SIPA1L2: variants seen among roughly 807,000 people sequenced by gnomAD.
SIPA1L2 encodes signal-induced proliferation-associated 1-like protein 2.
In SIPA1L2, 56 loss-of-function variants were observed where a neutral mutation model predicts 163.9. That is an observed-to-expected ratio of 0.34 (90% CI 0.28 to 0.43). SIPA1L2 has a LOEUF of 0.43. Among genes scored for constraint, SIPA1L2 ranks in the 20% least tolerant of loss-of-function variants. The pLI is 1.00. For missense variants in SIPA1L2, 1,974 were observed against 2,193.5 expected (o/e 0.90, Z 2.00); for synonymous variants, 877 against 865.7 (o/e 1.01, Z -0.23).
intron 15 of SIPA1L2, among the ~76,000 whole-genome samples, chr1:232,434,489 G>T (rs1470795234): frequency 6.6e-6 from 1 of 152,046 alleles, no homozygotes; most frequent in South Asian, 2.1e-4. Context: ...TCGGGAAGAC[G>T]CTGCACTGCC....
chr1:232,629,747 G>A (rs1383994433), intron 1 of SIPA1L2, among the ~76,000 whole-genome samples, 122 bp downstream of exon 1: 1 of 150,582 alleles, frequency 6.6e-6, no homozygotes, highest in Non-Finnish European at 1.5e-5. Flanking sequence ...ACCCCTCGCC[G>A]CCGTCAGCCC....
chr1:232,604,091 G>C (rs779758294), intron 1 of SIPA1L2, among the ~76,000 whole-genome samples: 1 of 151,862 alleles, frequency 6.6e-6, no homozygotes, highest in Non-Finnish European at 1.5e-5. Context: ...AGGATACAAC[G>C]CATCCACAGA....
At chr1:232,511,592 A>G (rs1666982483) in intron 3 of SIPA1L2, among the ~76,000 whole-genome samples, 1 of 152,164 alleles carries the variant, frequency 6.6e-6, no homozygotes. Flanking sequence ...AAAGTAATAA[A>G]CAGGCTTCAC....
At chr1:232,612,915 C>A (rs138668620) in intron 1 of SIPA1L2, among the ~76,000 whole-genome samples, 1 of 151,442 alleles carries the variant, frequency 6.6e-6, no homozygotes, top group Admixed American at 6.6e-5. Context: ...AATTGTACTC[C>A]CATAATTCCT....
chr1:232,542,167 G>A lies in SIPA1L2; in HGVS notation c.-269-26559C>T, dbSNP rs112357364. On this transcript the variant is annotated intron_variant, in intron 2 of 22. Coordinates refer to ENST00000674635, the MANE Select transcript of SIPA1L2 (RefSeq NM_020808.5). ...CTACTTATGTAACCCTGGGAAAGTC[G>A]CTTCGCGATATATACTAATTTCTCT... 2.9e-3 allele frequency among the ~76,000 whole-genome samples: 438 copies of A among 152,244 alleles called. 6 individuals carry two copies. The highest frequency in any genetic ancestry group is 0.01 in the African/African-American group (419 of 41,536).
intron 10 of SIPA1L2, among the ~76,000 whole-genome samples, chr1:232,455,573 C>T (rs576021299): frequency 7.9e-5 from 12 of 151,858 alleles, no homozygotes; most frequent in African/African-American, 2.4e-4. Flanking sequence ...CCCAGCTACT[C>T]GGAAGGCTGA....
At chr1:232,489,331 C>T (rs556836328) in intron 5 of SIPA1L2, among the ~76,000 whole-genome samples, 192 of 152,284 alleles carry the variant, frequency 1.3e-3, no homozygotes, top group Non-Finnish European at 2.1e-3. Flanking sequence ...CTCTCTATCC[C>T]GCCATAACAT....
chr1:232,566,500 G>A (rs1465290559), intron 2 of SIPA1L2, among the ~76,000 whole-genome samples: 4 of 152,182 alleles, frequency 2.6e-5, no homozygotes, highest in African/African-American at 4.8e-5. Flanking sequence ...AGTGGTATTC[G>A]TCGCTTTTCA....
intron 12 of SIPA1L2, among the ~76,000 whole-genome samples, chr1:232,442,332 T>C (rs1265632598): frequency 6.6e-6 from 1 of 151,478 alleles, no homozygotes; most frequent in Non-Finnish European, 1.5e-5. Context: ...AGCAGATCAC[T>C]AGGTCAGGAG....
At chr1:232,427,215 G>A (rs759809726) in intron 17 of SIPA1L2, among the ~76,000 whole-genome samples, 28 of 152,186 alleles carry the variant, frequency 1.8e-4, no homozygotes, top group Non-Finnish European at 3.7e-4. Context: ...ATGACTTGAT[G>A]TAAGTTTTTT....
intron 1 of SIPA1L2, among the ~76,000 whole-genome samples, chr1:232,611,652 C>T (rs973429372): frequency 2.0e-4 from 30 of 152,046 alleles, no homozygotes; most frequent in African/African-American, 5.3e-4. Flanking sequence ...TTAGGGTATC[C>T]GGCAGAAGAA....
chr1:232,463,727 C>T (rs1273647008), intron 9 of SIPA1L2, among the ~76,000 whole-genome samples: 1 of 152,196 alleles, frequency 6.6e-6, no homozygotes, highest in African/African-American at 2.4e-5. Flanking sequence ...CATCCAGAGA[C>T]TCACCAGTAT....
In SIPA1L2 at chr1:232,481,213, G is replaced by A. The variant is rs191948031; in HGVS notation, c.1982-1483C>T. ...CATTCCATTTTAATTCTCTTGGCTC[G>A]GAACCTTGACAGTGAACGTGGCTCT... is the stretch of plus-strand genomic sequence containing the variant. On this transcript the variant is annotated intron_variant, in intron 6 of 22. Transcript: ENST00000674635. 6.4e-3 allele frequency among the ~76,000 whole-genome samples: 972 copies of A among 152,196 alleles called. 13 individuals carry two copies. The highest frequency in any genetic ancestry group is 0.022 in the African/African-American group (913 of 41,516).
chr1:232,611,266 A>G (rs1424305326), intron 1 of SIPA1L2, among the ~76,000 whole-genome samples: 1 of 152,172 alleles, frequency 6.6e-6, no homozygotes, highest in African/African-American at 2.4e-5. Flanking sequence ...CTTTATCAGC[A>G]GCGTGAAAAT....
intron 18 of SIPA1L2, among the ~76,000 whole-genome samples, chr1:232,417,072 C>T (rs1661306278): frequency 1.3e-5 from 2 of 152,302 alleles, no homozygotes; most frequent in South Asian, 2.1e-4. Context: ...GACCACCTGG[C>T]TGTTTGAGCC....
At chr1:232,408,566 A>G (rs1660775057) in intron 19 of SIPA1L2, among the ~76,000 whole-genome samples, 1 of 152,156 alleles carries the variant, frequency 6.6e-6, no homozygotes, top group Admixed American at 6.5e-5. Flanking sequence ...GAGTTATTGT[A>G]TCATTTTTCA....
At position 232,514,234 on chromosome 1, in the gene SIPA1L2, A is replaced by C. The variant is rs1259403321; in HGVS notation, c.1106T>G (p.Met369Arg). Residue 369 changes from methionine to arginine, a missense_variant, in exon 3 of 23, where the codon ATG becomes AGG. This residue lies in a region of SIPA1L2 where 607 missense variants were observed against 624.0 expected (regional missense o/e 0.97). Coordinates refer to ENST00000674635, the MANE Select transcript of SIPA1L2 (RefSeq NM_020808.5). ...TGASAASQTQ[M>R]PTGQTGNCES... ...ACAGTTGCCTGTCTGGCCCGTAGGC[A>C]TCTGAGTCTGGGATGCTGCAGATGC... The C allele has an allele frequency of 6.2e-7, 1 of 1,614,102 alleles. No individual in the cohort carries two copies. The highest frequency in any genetic ancestry group is 8.5e-7 in the Non-Finnish European group (1 of 1,180,054).
chr1:232,529,594 G>A (rs1667876468), intron 2 of SIPA1L2, among the ~76,000 whole-genome samples: 1 of 152,138 alleles, frequency 6.6e-6, no homozygotes, highest in South Asian at 2.1e-4. Context: ...TCCTGCTGTT[G>A]TTCTTGGCTC....
In SIPA1L2 at chr1:232,476,590, G is replaced by C. The variant is rs1411530961; in HGVS notation, c.2085+3037C>G. 2.6e-5 allele frequency among the ~76,000 whole-genome samples: 4 copies of C among 152,240 alleles called. No homozygotes were observed. In the East Asian group the frequency reaches 7.7e-4, roughly 29 times the overall value. On this transcript the variant is annotated intron_variant, in intron 7 of 22. Transcript: ENST00000674635. ...AGGGGAAGACAGCCCTGGAAAAAGTGGATGGACTGCCAGACAGATGCAGAG... is the reference window on the plus strand; with the variant it reads ...AGGGGAAGACAGCCCTGGAAAAAGTCGATGGACTGCCAGACAGATGCAGAG...
Sources: gnomAD v4.1 joint callset for allele counts (sites outside exome capture counted in the v4.1 genomes callset) on GRCh38, gnomAD v4.1.1 for gene constraint, gnomAD v4.1.1 regional missense constraint, MANE v1.5 for transcripts, NCBI Gene and HGNC (gene_info 2026-07-23, HGNC 2026-07-21) for gene names.